The following NEXMIF variants were observed in gnomAD, a reference collection of about 807,000 sequenced individuals.
NEXMIF encodes the protein neurite extension and migration factor, also known as XLMR protein related to neurite extension.
NEXMIF carries 8 observed loss-of-function variants against 62.1 expected under a neutral mutation model. That is an observed-to-expected ratio of 0.13 (90% CI 0.08 to 0.23). The LOEUF (loss-of-function observed/expected upper bound fraction) is 0.23, where lower values mean the gene tolerates loss of function less well. Ranked by LOEUF, NEXMIF falls within the 10% of genes least tolerant of loss-of-function variation. The probability of loss-of-function intolerance (pLI) is 1.00; values close to 1 mark genes in which losing one functional copy is unlikely to be tolerated. For missense variants in NEXMIF, 976 were observed against 1,113.3 expected, an observed-to-expected ratio of 0.88 and a Z score of 1.75; for synonymous variants, 404 against 416.6, an observed-to-expected ratio of 0.97 and a Z score of 0.37.
chrX:74,858,798 G>T (rs1366615389), intron 1 of NEXMIF, among the ~76,000 whole-genome samples: 1 of 109,876 alleles, frequency 9.1e-6, no homozygotes, highest in African/African-American at 3.3e-5. Context: ...CACTCTATCA[G>T]ATAAGATTAA....
At chrX:74,862,390 G>C (rs1286819555) in intron 1 of NEXMIF, among the ~76,000 whole-genome samples, 1 of 109,695 alleles carries the variant, frequency 9.1e-6, no homozygotes, top group Non-Finnish European at 1.9e-5. Context: ...CAATAATAGT[G>C]GGAGACTTTA....
At chrX:74,911,278 G>T (rs1029377933) in intron 1 of NEXMIF, among the ~76,000 whole-genome samples, 1 of 111,536 alleles carries the variant, frequency 9.0e-6, no homozygotes, top group African/African-American at 3.3e-5. Flanking sequence ...AAATTAGCCA[G>T]GGGTTGTGGC....
At chrX:74,875,723 G>A (rs1298609839) in intron 1 of NEXMIF, among the ~76,000 whole-genome samples, 3 of 111,921 alleles carry the variant, frequency 2.7e-5, no homozygotes, top group Admixed American at 1.9e-4. Flanking sequence ...TTAGTCTTGG[G>A]AGAGTGTATG....
intron 1 of NEXMIF, among the ~76,000 whole-genome samples, chrX:74,788,053 A>G (rs2080266542): frequency 8.9e-6 from 1 of 111,996 alleles, no homozygotes; most frequent in Admixed American, 9.5e-5. Flanking sequence ...CATCTACTGA[A>G]TGTGCCAGTA....
In NEXMIF at chrX:74,740,960, T is replaced by C. The variant is rs1234945507; in HGVS notation, c.3597A>G (p.Lys1199=). ...TCCCCTTGTTGTTACCTTTGAGGGA[T>C]TTTTTCCTGGTGTTTTTCTGAGAAG... ...QSSSQKNTRK[K]SLKGNNKGIE... Residue 1199 remains lysine, a synonymous_variant, in exon 3 of 4, where the codon AAA becomes AAG. Transcript: ENST00000055682. 8.3e-7 allele frequency: 1 copy of C among 1,211,659 alleles called. No homozygotes were observed. The highest frequency in any genetic ancestry group is 1.8e-5 in the South Asian group (1 of 56,994).
In NEXMIF at chrX:74,744,259, A is replaced by T. The variant is rs1602212931; in HGVS notation, c.298T>A (p.Ser100Thr). 8.3e-7 allele frequency: 1 copy of T among 1,211,178 alleles called. No individual in the cohort carries two copies. Residue 100 changes from serine to threonine, a missense_variant, in exon 3 of 4, where the codon TCC becomes ACC. This residue lies in a region of NEXMIF where 126 missense variants were observed against 146.5 expected (regional missense o/e 0.86). Coordinates refer to ENST00000055682, the MANE Select transcript of NEXMIF (RefSeq NM_001008537.3). Reference sequence around the variant, plus strand: ...CCTTTTGCAATGCCAGATGTGAGGGAGATGGCATTCACAGAAGCACTATTA... The same window carrying T: ...CCTTTTGCAATGCCAGATGTGAGGGTGATGGCATTCACAGAAGCACTATTA... ...AANSASVNAI[S>T]LTSGIAKGLN...
intron 1 of NEXMIF, among the ~76,000 whole-genome samples, chrX:74,877,028 G>C (rs1335206356): frequency 9.0e-6 from 1 of 111,611 alleles, no homozygotes; most frequent in Non-Finnish European, 1.9e-5. Flanking sequence ...ATTTGATCCT[G>C]TCTTTACGAT....
At position 74,895,038 on chromosome X, in the gene NEXMIF, C is replaced by T. The variant is rs1569364990; in HGVS notation, c.-48+29845G>A. Among the ~76,000 whole-genome samples the T allele has an allele frequency of 2.7e-5, 3 of 112,257 alleles. No individual in the cohort carries two copies. The South Asian group carries it at 1.1e-3, about 41-fold the overall frequency. ...ATTGGAAAGGAAGAAGTCAAATTAT[C>T]CTTGTTTGCATATGATATCATCTTA... On this transcript the variant is annotated intron_variant, in intron 1 of 3. Coordinates refer to ENST00000055682, the MANE Select transcript of NEXMIF (RefSeq NM_001008537.3).
chrX:74,859,202 C>T (rs2080546556), intron 1 of NEXMIF, among the ~76,000 whole-genome samples: 2 of 111,015 alleles, frequency 1.8e-5, no homozygotes, highest in Admixed American at 1.9e-4. Context: ...AAGAATACCT[C>T]AAAGCATTTA....
rs1166467730 is a variant in NEXMIF at position 74,741,127 on chromosome X, C to T, written c.3430G>A (p.Glu1144Lys). 6.6e-6 allele frequency: 8 copies of T among 1,208,593 alleles called. No individual in the cohort carries two copies. The highest frequency in any genetic ancestry group is 8.9e-6 in the Non-Finnish European group (8 of 894,224). ...TTTTGGAGCAGGCTGACAGAATCCT[C>T]ATCATTGAACATATGGAACTGAAAC... Reference protein sequence around the residue: ...HQFQFHMFNDEDSVSLLQKNP... With the variant: ...HQFQFHMFNDKDSVSLLQKNP... Residue 1144 changes from glutamate to lysine, a missense_variant, in exon 3 of 4, where the codon GAG becomes AAG. Coordinates refer to ENST00000055682, the MANE Select transcript of NEXMIF (RefSeq NM_001008537.3).
chrX:74,790,452 G>A (rs1326627943), intron 1 of NEXMIF, among the ~76,000 whole-genome samples: 14 of 111,709 alleles, frequency 1.3e-4, no homozygotes, highest in South Asian at 3.6e-4. Context: ...TTGACTTGGC[G>A]ATGCGGGCTC....
intron 1 of NEXMIF, among the ~76,000 whole-genome samples, chrX:74,753,165 T>C (rs1313950792): frequency 8.9e-6 from 1 of 112,511 alleles, no homozygotes; most frequent in African/African-American, 3.2e-5. Context: ...TTTCTCCATA[T>C]GGTTTCTAAT....
chrX:74,898,076 A>G (rs1027174047), intron 1 of NEXMIF, among the ~76,000 whole-genome samples: 2 of 111,950 alleles, frequency 1.8e-5, no homozygotes, highest in African/African-American at 6.5e-5. Flanking sequence ...GGTGACACAT[A>G]ACTCCCCAGT....
rs189289861 is a variant in NEXMIF at position 74,810,597 on chromosome X, G to A, written c.-47-64900C>T. The stretch of plus-strand genomic sequence containing the variant: ...CTTGAGGTTAGGAGTCAGGGAGTGA[G>A]GGACCAGCCTGAGCAACATGGCAAA... On this transcript the variant is annotated intron_variant, in intron 1 of 3. Coordinates refer to ENST00000055682, the MANE Select transcript of NEXMIF (RefSeq NM_001008537.3). Among the ~76,000 whole-genome samples the A allele has an allele frequency of 9.8e-4, 99 of 101,537 alleles. 2 individuals carry two copies. Among genetic ancestry groups the A allele is most frequent in the East Asian group, 1.2e-3 (4 of 3,304 alleles). 88.2% of individuals were successfully genotyped at this position (101,537 alleles called of 115,157 possible). A position where few individuals can be genotyped will look rare whatever the true frequency, so the allele number is the denominator to read the frequency against.
chrX:74,779,209 C>A (rs898857032), intron 1 of NEXMIF, among the ~76,000 whole-genome samples: 7 of 112,384 alleles, frequency 6.2e-5, no homozygotes, highest in African/African-American at 2.3e-4. Context: ...ACCTATGATG[C>A]CAGAGTTCTG....
intron 1 of NEXMIF, among the ~76,000 whole-genome samples, chrX:74,912,958 GAGCT>G (rs2080795488): frequency 8.9e-6 from 1 of 111,782 alleles, no homozygotes; most frequent in Non-Finnish European, 1.9e-5. Flanking sequence ...GGAGGTCCTG[GAGCT>G]AGAGCAGTGC....
At chrX:74,875,162 T>C (rs1045312969) in intron 1 of NEXMIF, among the ~76,000 whole-genome samples, 2 of 110,843 alleles carry the variant, frequency 1.8e-5, no homozygotes, top group African/African-American at 3.3e-5. Context: ...TTTTGAAACA[T>C]GTCCCATCAA....
At chrX:74,844,675 C>A (rs1261708760) in intron 1 of NEXMIF, among the ~76,000 whole-genome samples, 1 of 111,822 alleles carries the variant, frequency 8.9e-6, no homozygotes, top group African/African-American at 3.3e-5. Context: ...CTCATCTAAA[C>A]CATAATAACA....
intron 1 of NEXMIF, among the ~76,000 whole-genome samples, chrX:74,913,536 C>T (rs920350420): frequency 4.5e-5 from 5 of 110,170 alleles, no homozygotes; most frequent in African/African-American, 1.6e-4. Context: ...AGACATAAAC[C>T]TTCAGACATA....
Sources: allele counts gnomAD v4.1 joint callset (sites outside exome capture counted in the v4.1 genomes callset), GRCh38; gene constraint gnomAD v4.1.1; regional missense constraint gnomAD v4.1.1; transcripts MANE v1.5; gene names NCBI Gene and HGNC (gene_info 2026-07-23, HGNC 2026-07-21).